DBH: variants seen among roughly 807,000 people sequenced by gnomAD.
DBH encodes dopamine beta-hydroxylase, also known as dopamine beta-hydroxylase (dopamine beta-monooxygenase).
In DBH, 49 loss-of-function variants were observed where a neutral mutation model predicts 64.0. The ratio of observed to expected loss-of-function variants is 0.77; its 90% CI spans 0.61 to 0.97. DBH has a LOEUF of 0.97. Among genes scored for constraint, DBH ranks in the 50% least tolerant of loss-of-function variants. The pLI, the probability that DBH is intolerant of heterozygous loss-of-function variation, is 0.00. For missense variants in DBH, 828 were observed against 826.6 expected (o/e 1.00, Z -0.02); for synonymous variants, 343 against 347.1 (o/e 0.99, Z 0.13).
At chr9:133,641,746 G>A (rs1832118529) in intron 2 of DBH, among the ~76,000 whole-genome samples, 1 of 152,192 alleles carries the variant, frequency 6.6e-6, no homozygotes, top group Non-Finnish European at 1.5e-5. Flanking sequence ...AATATAGCGT[G>A]GCTCCGCAGC....
intron 6 of DBH, among the ~76,000 whole-genome samples, chr9:133,650,953 G>T (rs73662171): frequency 0.088 from 13,350 of 152,258 alleles, 1,332 homozygotes; most frequent in African/African-American, 0.25. Context: ...GACCTCTTGA[G>T]ATGAGGGCTG....
intron 6 of DBH, among the ~76,000 whole-genome samples, chr9:133,650,484 T>C (rs1427172592): frequency 2.2e-4 from 32 of 147,686 alleles, no homozygotes; most frequent in African/African-American, 8.2e-4. Context: ...CTTTTTCTTT[T>C]TCTTTCTTTT....
chr9:133,648,644 T>G (rs1396014338), intron 6 of DBH, among the ~76,000 whole-genome samples: 1 of 152,248 alleles, frequency 6.6e-6, no homozygotes, highest in African/African-American at 2.4e-5. Context: ...GTACAGGATC[T>G]CAGGGAGCAC....
intron 5 of DBH, among the ~76,000 whole-genome samples, chr9:133,645,160 C>T (rs1255618399): frequency 1.3e-5 from 2 of 152,184 alleles, no homozygotes; most frequent in Non-Finnish European, 2.9e-5. Flanking sequence ...CCACCTCCCA[C>T]AGCTATTGTG....
chr9:133,645,280 C>T (rs1016651798), intron 5 of DBH, among the ~76,000 whole-genome samples: 34 of 151,968 alleles, frequency 2.2e-4, no homozygotes, highest in African/African-American at 6.3e-4. Context: ...TAATACCTTC[C>T]GCCACTGTTG....
rs763205835 is a variant in DBH, at chr9:133,658,459, C to T, written c.*12C>T. ...GGGGCAAAGGCTGAGGGGGGACCTA[C>T]TCCTCCCCCTCCTCCATGCTGTCCC... is the stretch of plus-strand genomic sequence containing the variant. On this transcript the variant is annotated 3_prime_UTR_variant, in exon 12 of 12. Transcript: ENST00000393056. 3 of 1,596,306 alleles carry T rather than the reference C, an allele frequency of 1.9e-6. No homozygotes were observed. Among genetic ancestry groups the T allele is most frequent in the Non-Finnish European group, 1.7e-6 (2 of 1,169,718 alleles).
chr9:133,658,583 G>A lies in DBH; in HGVS notation c.*136G>A. On this transcript the variant is annotated 3_prime_UTR_variant, in exon 12 of 12. Transcript: ENST00000393056. ...AAGGGGCCAGACCACGCCCCTGCCT[G>A]AGACCACGGTCCAATCCAGCCTTCT... The A allele has an allele frequency of 9.6e-7, 1 of 1,046,638 alleles. No homozygotes were observed. Among genetic ancestry groups the A allele is most frequent in the Admixed American group, 3.1e-5 (1 of 32,690 alleles). The allele number at this position is 1,046,638 out of a possible 1,614,324, so 64.8% of individuals were successfully genotyped here.
rs746061650 is a variant in DBH at position 133,636,393 on chromosome 9, G to A, written c.22G>A (p.Ala8Thr). 1 of 1,610,540 alleles carries A rather than the reference G, an allele frequency of 6.2e-7. No individual in the cohort carries two copies. Among genetic ancestry groups the A allele is most frequent in the African/African-American group, 1.3e-5 (1 of 74,934 alleles). MPALSRW[A>T]SLPGPSMREA... ...AGCCATGCCCGCCCTCAGTCGCTGG[G>A]CCAGCCTGCCCGGCCCCAGCATGCG... The change falls in exon 1 of 12, where the codon GCC (alanine) becomes ACC (threonine). Residue 8 changes from alanine (A) to threonine (T), a missense_variant. Transcript: ENST00000393056.
rs2131294957 is a variant in DBH at position 133,656,574 on chromosome 9, C to T, written c.1486C>T (p.Pro496Ser). Residue 496 changes from proline to serine, a missense_variant, in exon 10 of 12, where the codon CCC becomes TCC. By Grantham distance (74) the Pro-to-Ser change is moderately conservative (BLOSUM62 -1). Coordinates refer to ENST00000393056, the MANE Select transcript of DBH (RefSeq NM_000787.4). ...EMCVNYVHYY[P>S]QTQLELCKSA... is the part of the protein sequence containing the mutation. ...GTGTGTCAACTACGTGCACTACTAC[C>T]CCCAGACGCAGCTGGAGCTCTGCAA... 3 of 1,613,898 alleles carry T rather than the reference C, an allele frequency of 1.9e-6. No homozygotes were observed. The highest frequency in any genetic ancestry group is 1.6e-4 in the Middle Eastern group (1 of 6,062).
At position 133,639,226 on chromosome 9, in the gene DBH, CAAAA is replaced by C. The variant is rs60989647; in HGVS notation, c.340-604_340-601del. 3.2e-3 allele frequency among the ~76,000 whole-genome samples: 429 copies of C among 132,012 alleles called. 2 individuals are homozygous for C. Among genetic ancestry groups the C allele is most frequent in the African/African-American group, 0.011 (383 of 36,408 alleles). 86.6% of individuals were successfully genotyped at this position (132,012 alleles called of 152,430 possible). A position where few individuals can be genotyped will look rare whatever the true frequency, so the allele number is the denominator to read the frequency against. ...TAGGCAACATAGCGAGACCCTATCT[CAAAA>C]AAAAAAAAAAAAAAATCCAAAATTA... On this transcript the variant is annotated intron_variant, in intron 1 of 11. Transcript: ENST00000393056.
chr9:133,650,201 G>T (rs1230716714), intron 6 of DBH, among the ~76,000 whole-genome samples: 6 of 152,168 alleles, frequency 3.9e-5, no homozygotes. Context: ...AAAGCTATAG[G>T]CGACGGCAAG....
chr9:133,651,495 G>C lies in DBH; in HGVS notation c.1192-139G>C. 6.4e-6 allele frequency: 7 copies of C among 1,091,900 alleles called. No individual in the cohort carries two copies. The South Asian group carries it at 9.7e-5, about 15-fold the overall frequency. 67.6% of individuals were successfully genotyped at this position (1,091,900 alleles called of 1,614,324 possible). The stretch of plus-strand genomic sequence containing the variant: ...TTCTGATGGTGGCTCTAACCTGGCC[G>C]GGGAGAAAGACCTAGAAAATGCAAG... On this transcript the variant is annotated intron_variant, in intron 6 of 11. Transcript: ENST00000393056.
chr9:133,639,999 G>A lies in DBH; in HGVS notation c.486+7G>A. On this transcript the variant is annotated splice_region_variant and intron_variant, in intron 2 of 11. Transcript: ENST00000393056. The stretch of plus-strand genomic sequence containing the variant: ...CAAGGATTACCTCATTGAAGTAAGG[G>A]GTGGCCGCGAGTACCCAGGAGGGCG... 2 of 1,613,850 alleles carry A rather than the reference G, an allele frequency of 1.2e-6. No homozygotes were observed. The highest frequency in any genetic ancestry group is 1.7e-6 in the Non-Finnish European group (2 of 1,179,994).
chr9:133,651,918 A>C (rs1832254197), intron 7 of DBH, 141 bp downstream of exon 7: 30 of 784,864 alleles, frequency 3.8e-5, no homozygotes, highest in Non-Finnish European at 4.6e-5. Context: ...CCCCCCACCC[A>C]TGTGGCCTGT....
intron 6 of DBH, among the ~76,000 whole-genome samples, chr9:133,650,719 T>C (rs1302361408): frequency 6.6e-6 from 1 of 151,946 alleles, no homozygotes; most frequent in African/African-American, 2.4e-5. Flanking sequence ...GGCCAATTTT[T>C]GTATTTTTAG....
chr9:133,644,168 TG>T, intron 4 of DBH, 49 bp from the exon 5 acceptor site: 1 of 1,438,258 alleles, frequency 7.0e-7, no homozygotes, highest in Non-Finnish European at 9.8e-7. Flanking sequence ...TGCCCAGACC[TG>T]GGGCCCTCTC....
Position 133,652,298 on chromosome 9 carries a change from G to A in DBH, c.1374+14G>A, listed in dbSNP as rs758531478. On this transcript the variant is annotated intron_variant, in intron 8 of 11. Coordinates refer to ENST00000393056, the MANE Select transcript of DBH (RefSeq NM_000787.4). The stretch of plus-strand genomic sequence containing the variant: ...TCGGTCCATCCGGTGAGTGCCCAGC[G>A]GGAAGGCTGTCCCACTCACTGCCAC... 2.9e-5 allele frequency: 47 copies of A among 1,612,142 alleles called. No homozygotes were observed. The highest frequency in any genetic ancestry group is 3.8e-5 in the Non-Finnish European group (45 of 1,179,894).
At chr9:133,652,900 C>G (rs754371009) in intron 8 of DBH, 40 bp from the exon 9 acceptor site, 1 of 1,532,442 alleles carries the variant, frequency 6.5e-7, no homozygotes. Context: ...CTGCCAACGC[C>G]AGGTGGCAGG....
intron 8 of DBH, among the ~76,000 whole-genome samples, chr9:133,652,650 C>T (rs1832265062): frequency 6.6e-6 from 1 of 152,156 alleles, no homozygotes; most frequent in Non-Finnish European, 1.5e-5. Flanking sequence ...GGGGACTTGC[C>T]CAAGTCCTTT....
Sources: allele counts gnomAD v4.1 joint callset (sites outside exome capture counted in the v4.1 genomes callset), GRCh38; gene constraint gnomAD v4.1.1; transcripts MANE v1.5; gene names NCBI Gene and HGNC (gene_info 2026-07-23, HGNC 2026-07-21).